Variants in PCGF5 observed in about 807,000 individuals in gnomAD.
PCGF5 encodes polycomb group RING finger protein 5.
PCGF5 carries 9 observed loss-of-function variants against 44.3 expected under a neutral mutation model. That is an observed-to-expected ratio of 0.20 (90% confidence interval 0.12 to 0.35). The LOEUF is 0.35. PCGF5 is among the 10% of genes least tolerant of loss of function. The pLI, the probability that PCGF5 is intolerant of heterozygous loss-of-function variation, is 1.00. For synonymous variants in PCGF5, 95 were observed against 102.5 expected, an observed-to-expected ratio of 0.93 and a Z score of 0.44; for missense variants, 146 against 305.3, an observed-to-expected ratio of 0.48 and a Z score of 3.89.
chr10:91,189,564 C>T (rs184604226), intron 1 of PCGF5, among the ~76,000 whole-genome samples: 58 of 152,310 alleles, frequency 3.8e-4, no homozygotes, highest in Non-Finnish European at 6.8e-4. Context: ...TTCTAATATA[C>T]CCTTACCAAA....
In PCGF5 at chr10:91,283,602, T is replaced by C. The variant is rs949147100; in HGVS notation, c.*5286T>C. 3.3e-5 allele frequency: 5 copies of C among 152,204 alleles called. No homozygotes were observed. The highest frequency in any genetic ancestry group is 1.2e-4 in the African/African-American group (5 of 41,448). The allele number at this position is 152,204 out of a possible 1,614,324, so 9.4% of individuals were successfully genotyped here. A position where few individuals can be genotyped will look rare whatever the true frequency, so the allele number is the denominator to read the frequency against. ...TCTACACATTAAAAATGTAATGGGA[T>C]CAGCCTAGCATTGTTTGGTGTTCTT... On this transcript the variant is annotated 3_prime_UTR_variant, in exon 10 of 10. Transcript: ENST00000336126.
intron 6 of PCGF5, among the ~76,000 whole-genome samples, chr10:91,259,603 T>G (rs1211253309): frequency 6.6e-6 from 1 of 152,172 alleles, no homozygotes; most frequent in Non-Finnish European, 1.5e-5. Context: ...AACAGCATGG[T>G]ACTGGTACCA....
At chr10:91,202,586 A>G (rs1360926600) in intron 1 of PCGF5, among the ~76,000 whole-genome samples, 1 of 152,234 alleles carries the variant, frequency 6.6e-6, no homozygotes, top group Non-Finnish European at 1.5e-5. Context: ...AGTCTAAATG[A>G]GGGATACTGT....
chr10:91,186,481 T>A (rs1404794025), intron 1 of PCGF5, among the ~76,000 whole-genome samples: 1 of 152,188 alleles, frequency 6.6e-6, no homozygotes, highest in Non-Finnish European at 1.5e-5. Context: ...ATGTTTATTG[T>A]GTAGATGAAA....
At chr10:91,165,293 C>G (rs1349719879) in intron 1 of PCGF5, among the ~76,000 whole-genome samples, 1 of 152,186 alleles carries the variant, frequency 6.6e-6, no homozygotes, top group Non-Finnish European at 1.5e-5. Context: ...TATGTAACTT[C>G]TGGATGATTA....
At chr10:91,202,628 A>G (rs1844273592) in intron 1 of PCGF5, among the ~76,000 whole-genome samples, 1 of 152,188 alleles carries the variant, frequency 6.6e-6, no homozygotes, top group Non-Finnish European at 1.5e-5. Context: ...TTGTTACTAT[A>G]TTTGACTCCT....
rs1446848900 is a variant in PCGF5, at chr10:91,279,217, T to C, written c.*901T>C. The stretch of plus-strand genomic sequence containing the variant: ...ATTATTTCTCTTTTTAAGTTGGCCT[T>C]AGGTATATGTCATTGTGGCATGCAG... On this transcript the variant is annotated 3_prime_UTR_variant, in exon 10 of 10. Transcript: ENST00000336126. 4 of 152,138 alleles carry C rather than the reference T, an allele frequency of 2.6e-5. No individual in the cohort carries two copies. The East Asian group carries it at 7.7e-4, about 29-fold the overall frequency. 9.4% of individuals were successfully genotyped at this position (152,138 alleles called of 1,614,324 possible).
intron 7 of PCGF5, among the ~76,000 whole-genome samples, chr10:91,263,191 A>G (rs1224364418): frequency 6.6e-6 from 1 of 152,220 alleles, no homozygotes; most frequent in Non-Finnish European, 1.5e-5. Flanking sequence ...TTGTAACAGC[A>G]TTGCTAACTG....
intron 1 of PCGF5, among the ~76,000 whole-genome samples, chr10:91,206,196 A>G (rs919420723): frequency 4.6e-5 from 7 of 151,924 alleles, no homozygotes; most frequent in African/African-American, 1.7e-4. Flanking sequence ...GAAAGAATGA[A>G]CAGGGTAGCT....
chr10:91,234,749 A>G (rs572321034), intron 2 of PCGF5, among the ~76,000 whole-genome samples: 151 of 152,274 alleles, frequency 9.9e-4, no homozygotes, highest in African/African-American at 3.6e-3. Flanking sequence ...CTTTACATAT[A>G]TTATCTCCTT....
At chr10:91,272,700 G>A (rs75425166) in intron 9 of PCGF5, among the ~76,000 whole-genome samples, 4,222 of 152,220 alleles carry the variant, frequency 0.028, 184 homozygotes, top group African/African-American at 0.097. Context: ...TTGAGCCCAG[G>A]AAATGGAGGT....
chr10:91,172,517 A>G (rs1843628227), intron 1 of PCGF5, among the ~76,000 whole-genome samples: 1 of 152,190 alleles, frequency 6.6e-6, no homozygotes, highest in Admixed American at 6.5e-5. Context: ...AAGTAGACCC[A>G]TGACTGTCAT....
At chr10:91,213,628 C>CT (rs538391605) in intron 1 of PCGF5, among the ~76,000 whole-genome samples, 75 of 146,174 alleles carry the variant, frequency 5.1e-4, no homozygotes, top group African/African-American at 1.5e-3. Flanking sequence ...CCACACCAGG[C>CT]TTTTTTTTTT....
chr10:91,266,655 T>G (rs1846053673), intron 8 of PCGF5, among the ~76,000 whole-genome samples: 1 of 152,190 alleles, frequency 6.6e-6, no homozygotes, highest in South Asian at 2.1e-4. Flanking sequence ...TTAGTTGCTT[T>G]CCTTCTCCAA....
At chr10:91,236,109 TATG>T (rs1845155160) in intron 2 of PCGF5, among the ~76,000 whole-genome samples, 1 of 150,760 alleles carries the variant, frequency 6.6e-6, no homozygotes, top group Non-Finnish European at 1.5e-5. Context: ...ATTAAAAAAA[TATG>T]ATATGAATTT....
At position 91,246,904 on chromosome 10, in the gene PCGF5, A is replaced by G. The variant is rs148795155; in HGVS notation, c.210-1601A>G. On this transcript the variant is annotated intron_variant, in intron 3 of 9. Coordinates refer to ENST00000336126, the MANE Select transcript of PCGF5 (RefSeq NM_032373.5). ...GAAATGTTTAGCATCTGTTGGAAAT[A>G]TGGAACTTGAAATCAGCAGAGATGT... Among the ~76,000 whole-genome samples, 569 of 152,220 alleles carry G rather than the reference A, an allele frequency of 3.7e-3. 1 individual carries two copies. Among genetic ancestry groups the G allele is most frequent in the African/African-American group, 0.013 (529 of 41,532 alleles).
chr10:91,185,709 A>G (rs953265011), intron 1 of PCGF5, among the ~76,000 whole-genome samples: 2 of 152,170 alleles, frequency 1.3e-5, no homozygotes, highest in Non-Finnish European at 2.9e-5. Context: ...TGAAGGCCCT[A>G]GTGGAGTGGT....
upstream of PCGF5, among the ~76,000 whole-genome samples, chr10:91,159,464 C>T (rs1158487992): frequency 1.3e-5 from 2 of 151,998 alleles, no homozygotes; most frequent in African/African-American, 4.8e-5. Flanking sequence ...AAAAGGAACC[C>T]CAGAGAGCTC....
At chr10:91,233,189 C>T (rs1003597893) in intron 2 of PCGF5, among the ~76,000 whole-genome samples, 1 of 152,032 alleles carries the variant, frequency 6.6e-6, no homozygotes, top group Non-Finnish European at 1.5e-5. Context: ...TGGGGCCATC[C>T]CAGTCTTACC....
Sources: gnomAD v4.1 joint callset for allele counts (sites outside exome capture counted in the v4.1 genomes callset) on GRCh38, gnomAD v4.1.1 for gene constraint, MANE v1.5 for transcripts, NCBI Gene and HGNC (gene_info 2026-07-23, HGNC 2026-07-21) for gene names.